Variants in RBFOX3 observed in about 807,000 individuals in gnomAD.
RBFOX3 encodes RNA binding fox-1 homolog 3.
Under a neutral mutation model 48.7 loss-of-function variants are expected in RBFOX3, and 17 were observed. That is an observed-to-expected ratio of 0.35 (90% CI 0.24 to 0.52). The LOEUF (loss-of-function observed/expected upper bound fraction) is 0.52. RBFOX3 is among the 20% of genes least tolerant of loss of function. The probability of loss-of-function intolerance (pLI) is 0.94; values close to 1 mark genes in which losing one functional copy is unlikely to be tolerated. For synonymous variants in RBFOX3, 212 were observed against 209.5 expected (o/e 1.01, Z -0.10); for missense variants, 382 against 497.5 (o/e 0.77, Z 2.21).
At chr17:79,310,793 A>C (rs1207760958) in intron 2 of RBFOX3, among the ~76,000 whole-genome samples, 1 of 152,158 alleles carries the variant, frequency 6.6e-6, no homozygotes, top group Non-Finnish European at 1.5e-5. Flanking sequence ...TTTCCATAAC[A>C]CACAGAAACA....
In RBFOX3 at chr17:79,103,929, C is replaced by A; in HGVS notation, c.414+144G>T. The A allele has an allele frequency of 1.5e-6, 1 of 680,334 alleles. No individual in the cohort carries two copies. The allele number at this position is 680,334 out of a possible 1,614,324, so 42.1% of individuals were successfully genotyped here. ...GGGGTGGGGGCGGGGCGGGTGGGGG[C>A]GGAAGAGCGGGGAATACAAGCACCC... is the stretch of plus-strand genomic sequence containing the variant. On this transcript the variant is annotated intron_variant, in intron 7 of 14. Transcript: ENST00000693108. This position sits in a 1 kb window ranked among gnomAD's most constrained non-coding sequence, Gnocchi z 6.1.
At chr17:79,494,394 A>T (rs2149641295) in intron 1 of RBFOX3, among the ~76,000 whole-genome samples, 1 of 152,348 alleles carries the variant, frequency 6.6e-6, no homozygotes, top group African/African-American at 2.4e-5. Context: ...ATAACGTCTT[A>T]AACTTCCACA....
chr17:79,477,622 C>T lies in RBFOX3; in HGVS notation c.-175+4832G>A, dbSNP rs1367858516. 6.6e-6 allele frequency among the ~76,000 whole-genome samples: 1 copy of T among 152,068 alleles called. No individual in the cohort carries two copies. The highest frequency in any genetic ancestry group is 1.5e-5 in the Non-Finnish European group (1 of 68,014). On this transcript the variant is annotated intron_variant, in intron 2 of 14. Transcript: ENST00000693108. This position sits in a 1 kb window ranked among gnomAD's most constrained non-coding sequence, Gnocchi z 4.8. ...AAACAGAAGCAATGGAGTGGGGCCCCAGGTCCTTGTCTCATGTCCTCTTTC... is the reference window on the plus strand; with the variant it reads ...AAACAGAAGCAATGGAGTGGGGCCCTAGGTCCTTGTCTCATGTCCTCTTTC...
the RBFOX3 span, among the ~76,000 whole-genome samples, chr17:79,662,409 A>T: frequency 6.6e-6 from 1 of 152,010 alleles, no homozygotes; most frequent in African/African-American, 2.4e-5. Context: ...GGTGTGAGCC[A>T]CCGCGCCCGG....
At chr17:79,444,226 C>T (rs1488050760) in intron 2 of RBFOX3, among the ~76,000 whole-genome samples, 6 of 152,118 alleles carry the variant, frequency 3.9e-5, no homozygotes, top group Non-Finnish European at 7.4e-5. Flanking sequence ...TGCCCAGCAC[C>T]CTCAGGGGTC....
intron 2 of RBFOX3, among the ~76,000 whole-genome samples, chr17:79,440,491 G>A (rs892322149): frequency 2.0e-5 from 3 of 152,174 alleles, no homozygotes; most frequent in Admixed American, 1.3e-4. Flanking sequence ...GACCAGGGGA[G>A]CCGAAGCCGG....
At chr17:79,512,279 A>T (rs1212745971) in intron 1 of RBFOX3, among the ~76,000 whole-genome samples, 1 of 134,806 alleles carries the variant, frequency 7.4e-6, no homozygotes, top group Non-Finnish European at 1.6e-5. Context: ...ACCCGGATAC[A>T]TATTACCATC....
chr17:79,521,515 CACAT>C (rs1442888173), intron 1 of RBFOX3, among the ~76,000 whole-genome samples: 1 of 152,048 alleles, frequency 6.6e-6, no homozygotes, highest in Non-Finnish European at 1.5e-5. Flanking sequence ...TACTCACAGA[CACAT>C]ACGGATACAT....
chr17:79,383,808 C>T lies in RBFOX3; in HGVS notation c.-174-75984G>A, dbSNP rs191930330. The stretch of plus-strand genomic sequence containing the variant: ...CCCCTCCATCCTGGCACACAACACC[C>T]GGGAGATGCTGCTGGAAGAGCAGAA... On this transcript the variant is annotated intron_variant, in intron 2 of 14. Coordinates refer to ENST00000693108, the MANE Select transcript of RBFOX3 (RefSeq NM_001350451.2). 3.7e-3 allele frequency among the ~76,000 whole-genome samples: 568 copies of T among 152,300 alleles called. 3 individuals carry two copies. The highest frequency in any genetic ancestry group is 0.013 in the African/African-American group (537 of 41,540).
chr17:79,138,956 A>G (rs1390225946), intron 4 of RBFOX3, among the ~76,000 whole-genome samples: 83 of 101,598 alleles, frequency 8.2e-4, no homozygotes, highest in African/African-American at 3.0e-3. Context: ...CCTCAGCCCC[A>G]CACATGCACA....
intron 2 of RBFOX3, among the ~76,000 whole-genome samples, chr17:79,372,542 G>T (rs1000262475): frequency 1.3e-5 from 2 of 151,734 alleles, no homozygotes; most frequent in Admixed American, 6.6e-5. Context: ...CCACCCCTGC[G>T]GGTCTTTCTC....
Position 79,389,949 on chromosome 17 carries a change from C to T in RBFOX3, c.-174-82125G>A, listed in dbSNP as rs373716330. On this transcript the variant is annotated intron_variant, in intron 2 of 14. Transcript: ENST00000693108. ...CTTGGAGCAACCAGAGCCAGGTCTC[C>T]GCAGCCTCCAGGTCTCTGTAGCCTC... Among the ~76,000 whole-genome samples, 6 of 152,094 alleles carry T rather than the reference C, an allele frequency of 3.9e-5. No homozygotes were observed. The East Asian group carries it at 7.8e-4, about 20-fold the overall frequency.
Position 79,607,123 on chromosome 17 carries a change from A to G in RBFOX3, c.-320+3703T>C, listed in dbSNP as rs988444513. Among the ~76,000 whole-genome samples the G allele has an allele frequency of 3.9e-5, 6 of 152,282 alleles. No homozygotes were observed. In the East Asian group the frequency reaches 1.2e-3, roughly 29 times the overall value. On this transcript the variant is annotated intron_variant, in intron 1 of 14. Transcript: ENST00000693108. ...GTGGAGGTACAAACGGGATGTGTTT[A>G]TAAAGCCGGTGCCTTGTGCCAGGAG...
Position 79,535,767 on chromosome 17 carries a change from A to G in RBFOX3, c.-319-53169T>C, listed in dbSNP as rs2088620858. 6.6e-6 allele frequency among the ~76,000 whole-genome samples: 1 copy of G among 152,152 alleles called. No individual in the cohort carries two copies. The highest frequency in any genetic ancestry group is 6.5e-5 in the Admixed American group (1 of 15,278). On this transcript the variant is annotated intron_variant, in intron 1 of 14. Transcript: ENST00000693108. This position sits in a 1 kb window ranked among gnomAD's most constrained non-coding sequence, Gnocchi z 4.5. Reference sequence around the variant, plus strand: ...AAGCCTGCAGCACTGAGCCGTCTGCATTTGCTAGGGCCACCAGCTGCCACT... The same window carrying G: ...AAGCCTGCAGCACTGAGCCGTCTGCGTTTGCTAGGGCCACCAGCTGCCACT...
chr17:79,660,657 G>C, the RBFOX3 span, among the ~76,000 whole-genome samples: 1 of 152,322 alleles, frequency 6.6e-6, no homozygotes, highest in African/African-American at 2.4e-5. Context: ...ATGCTGGCGA[G>C]GTTATGGAGG....
chr17:79,433,614 G>A (rs1038899979), intron 2 of RBFOX3, among the ~76,000 whole-genome samples: 15 of 152,168 alleles, frequency 9.9e-5, no homozygotes, highest in African/African-American at 2.2e-4. Flanking sequence ...GGACCCAGCC[G>A]ATTCCACGTG....
chr17:79,421,974 G>A lies in RBFOX3; in HGVS notation c.-175+60480C>T, dbSNP rs12940552. The stretch of plus-strand genomic sequence containing the variant: ...CCCAACAGAATTCTAGGTGCTGCCC[G>A]GACGAGATGAGGAGGGGGACTTGCC... On this transcript the variant is annotated intron_variant, in intron 2 of 14. Coordinates refer to ENST00000693108, the MANE Select transcript of RBFOX3 (RefSeq NM_001350451.2). This position sits in a 1 kb window ranked among gnomAD's most constrained non-coding sequence, Gnocchi z 4.5. Among the ~76,000 whole-genome samples, 146,142 of 152,156 alleles carry A rather than the reference G, an allele frequency of 0.96. 70,476 individuals carry two copies. Among genetic ancestry groups the A allele is most frequent in the East Asian group, 1 (5,126 of 5,126 alleles).
At chr17:79,272,451 G>C (rs2067904522) in intron 3 of RBFOX3, among the ~76,000 whole-genome samples, 1 of 152,216 alleles carries the variant, frequency 6.6e-6, no homozygotes, top group South Asian at 2.1e-4. Context: ...TCTCTCCAGT[G>C]GTTGCTGAGA....
chr17:79,592,939 T>C (rs952674464), intron 1 of RBFOX3, among the ~76,000 whole-genome samples: 54 of 152,252 alleles, frequency 3.5e-4, no homozygotes, highest in African/African-American at 1.3e-3. Flanking sequence ...CCTGCTTCCA[T>C]GGCCCCCTGC....
Sources: gnomAD v4.1 joint callset for allele counts (sites outside exome capture counted in the v4.1 genomes callset) on GRCh38, gnomAD v4.1.1 for gene constraint, Gnocchi (gnomAD v3.1) non-coding constraint, MANE v1.5 for transcripts, NCBI Gene and HGNC (gene_info 2026-07-23, HGNC 2026-07-21) for gene names.